ASIC2: variants seen among roughly 807,000 people sequenced by gnomAD.
The protein encoded by ASIC2 is acid-sensing ion channel 2.
ASIC2 carries 25 observed loss-of-function variants against 57.3 expected under a neutral mutation model. That is an observed-to-expected ratio of 0.44 (90% confidence interval 0.32 to 0.61). ASIC2 has a LOEUF of 0.61. ASIC2 is among the 20% of genes least tolerant of loss of function. The probability of loss-of-function intolerance (pLI) is 0.06; values close to 1 mark genes in which losing one functional copy is unlikely to be tolerated. For missense variants in ASIC2, 641 were observed against 738.1 expected (o/e 0.87, Z 1.52); for synonymous variants, 319 against 307.5 (o/e 1.04, Z -0.39).
chr17:33,787,311 C>G (rs547288667), intron 1 of ASIC2, among the ~76,000 whole-genome samples: 160 of 152,350 alleles, frequency 1.1e-3, no homozygotes, highest in African/African-American at 3.7e-3. Context: ...GTATCTGTGG[C>G]TGTAGAGGCT....
At chr17:34,038,001 C>G in intron 1 of ASIC2, 1 of 1,613,556 alleles carries the variant, frequency 6.2e-7, no homozygotes, top group South Asian at 1.1e-5. Flanking sequence ...ACAAAACACT[C>G]TGGTGGTAAA....
intron 1 of ASIC2, among the ~76,000 whole-genome samples, chr17:33,330,510 T>C (rs1487337990): frequency 1.3e-5 from 2 of 152,218 alleles, no homozygotes; most frequent in East Asian, 3.9e-4. Flanking sequence ...CTCAGTCATA[T>C]TGGCTTCATT....
intron 7 of ASIC2, 43 bp from the exon 8 acceptor site, chr17:33,017,727 C>T (rs777881885): frequency 6.4e-7 from 1 of 1,572,668 alleles, no homozygotes; most frequent in Non-Finnish European, 8.7e-7. Flanking sequence ...TTTTATGCAG[C>T]TTCCAGGAAG....
At chr17:33,799,455 T>TTTCTTTCC in intron 1 of ASIC2, among the ~76,000 whole-genome samples, 1 of 109,614 alleles carries the variant, frequency 9.1e-6, no homozygotes, top group Non-Finnish European at 2.0e-5. Context: ...TCTTTCTTTC[T>TTTCTTTCC]TTCTTTCTTT....
intron 1 of ASIC2, among the ~76,000 whole-genome samples, chr17:33,883,593 C>G (rs545764375): frequency 6.6e-6 from 1 of 152,212 alleles, no homozygotes; most frequent in East Asian, 1.9e-4. Flanking sequence ...TGTTCTAGCC[C>G]CATAACTTCT....
At chr17:33,121,770 G>A (rs2141997438) in intron 1 of ASIC2, among the ~76,000 whole-genome samples, 1 of 152,292 alleles carries the variant, frequency 6.6e-6, no homozygotes, top group East Asian at 1.9e-4. Flanking sequence ...CTACATGCCA[G>A]GCACTGTGCA....
In ASIC2 at chr17:33,874,199, C is replaced by A. The variant is rs148137238; in HGVS notation, c.555+281779G>T. On this transcript the variant is annotated intron_variant, in intron 1 of 9. Transcript: ENST00000359872. ...GTTGCCTCTGTCACAGCTGGCTGGGCCCCCTTGGCTCCAAGAACTCCTTAG... is the reference window on the plus strand; with the variant it reads ...GTTGCCTCTGTCACAGCTGGCTGGGACCCCTTGGCTCCAAGAACTCCTTAG... Among the ~76,000 whole-genome samples the A allele has an allele frequency of 4.8e-3, 736 of 152,252 alleles. 3 individuals carry two copies. Among genetic ancestry groups the A allele is most frequent in the African/African-American group, 0.017 (705 of 41,550 alleles).
intron 1 of ASIC2, among the ~76,000 whole-genome samples, chr17:33,191,537 G>T (rs376955276): frequency 1.2e-4 from 18 of 151,712 alleles, no homozygotes; most frequent in East Asian, 9.7e-4. Flanking sequence ...AAGAAGAAGG[G>T]ATAGAAGGAG....
chr17:34,124,516 G>T (rs758397025), intron 1 of ASIC2, among the ~76,000 whole-genome samples: 8 of 152,258 alleles, frequency 5.3e-5, no homozygotes, highest in Admixed American at 2.0e-4. Flanking sequence ...TGATGGGTTT[G>T]CCTGTTCAGC....
chr17:33,867,925 G>A (rs946199440), intron 1 of ASIC2, among the ~76,000 whole-genome samples: 24 of 152,210 alleles, frequency 1.6e-4, no homozygotes, highest in African/African-American at 5.1e-4. Flanking sequence ...TAGGGACCAC[G>A]ATGTCAGTGG....
At chr17:33,375,444 T>C (rs1055755220) in intron 1 of ASIC2, among the ~76,000 whole-genome samples, 5 of 152,140 alleles carry the variant, frequency 3.3e-5, no homozygotes, top group Non-Finnish European at 7.4e-5. Context: ...GGACAGGCTA[T>C]GAAGATTCTT....
intron 1 of ASIC2, among the ~76,000 whole-genome samples, chr17:33,139,964 A>G (rs889213063): frequency 3.3e-5 from 5 of 152,248 alleles, no homozygotes; most frequent in African/African-American, 1.2e-4. Flanking sequence ...CCGGGGTTGT[A>G]CATGGATTCG....
chr17:33,469,046 G>A (rs2141917986), intron 1 of ASIC2, among the ~76,000 whole-genome samples: 1 of 152,326 alleles, frequency 6.6e-6, no homozygotes, highest in Non-Finnish European at 1.5e-5. Context: ...GCCAAGAGTT[G>A]TTTGCAATAC....
chr17:33,744,194 A>T (rs1341988394), intron 1 of ASIC2, among the ~76,000 whole-genome samples: 1 of 152,254 alleles, frequency 6.6e-6, no homozygotes, highest in East Asian at 1.9e-4. Context: ...CCAGAGAAAC[A>T]GACTGCTAAG....
intron 1 of ASIC2, among the ~76,000 whole-genome samples, chr17:33,729,749 G>A (rs76634831): frequency 1.1e-3 from 169 of 152,264 alleles, no homozygotes; most frequent in Admixed American, 2.7e-3. Flanking sequence ...TGTGTAAAGC[G>A]CCTGGGATAA....
rs554357507 is a variant in ASIC2, at chr17:33,802,304, C to T, written c.555+353674G>A. On this transcript the variant is annotated intron_variant, in intron 1 of 9. Coordinates refer to the ASIC2 transcript ENST00000359872. ...TAGGCTGTCCCATATAGCCTAGGTG[C>T]GTAGTGAGCTGTACCACCTAAGTTT... Among the ~76,000 whole-genome samples, 14 of 152,252 alleles carry T rather than the reference C, an allele frequency of 9.2e-5. No homozygotes were observed. The East Asian group carries it at 1.4e-3, about 15-fold the overall frequency.
chr17:33,672,980 G>T (rs1249017443), intron 1 of ASIC2, among the ~76,000 whole-genome samples: 1 of 152,174 alleles, frequency 6.6e-6, no homozygotes, highest in African/African-American at 2.4e-5. Context: ...GTTACATAAC[G>T]CCCAGCATGT....
At chr17:33,171,964 A>G (rs1905537928) in intron 1 of ASIC2, among the ~76,000 whole-genome samples, 1 of 152,042 alleles carries the variant, frequency 6.6e-6, no homozygotes, top group Non-Finnish European at 1.5e-5. Flanking sequence ...TTCTCTCCTC[A>G]CACACTTTCA....
intron 1 of ASIC2, among the ~76,000 whole-genome samples, chr17:33,659,834 T>C (rs1207460623): frequency 6.6e-6 from 1 of 151,534 alleles, no homozygotes; most frequent in East Asian, 1.9e-4. Flanking sequence ...ATCGCGCCAC[T>C]GCACTCCAGC....
Sources: gnomAD v4.1 joint callset for allele counts (sites outside exome capture counted in the v4.1 genomes callset) on GRCh38, gnomAD v4.1.1 for gene constraint, MANE v1.5 for transcripts, NCBI Gene and HGNC (gene_info 2026-07-23, HGNC 2026-07-21) for gene names.